ZNF182: variants seen among roughly 807,000 people sequenced by gnomAD.
ZNF182 encodes zinc finger protein 182.
In ZNF182, 10 loss-of-function variants were observed where a neutral mutation model predicts 28.1. The observed-to-expected ratio is 0.36, with a 90% CI of 0.22 to 0.60. ZNF182 has a LOEUF of 0.60. ZNF182 is among the 20% of genes least tolerant of loss of function. The pLI is 0.75. For synonymous variants in ZNF182, 156 were observed against 158.7 expected (o/e 0.98, Z 0.13); for missense variants, 352 against 453.2 (o/e 0.78, Z 2.03).
intron 3 of ZNF182, among the ~76,000 whole-genome samples, chrX:47,986,950 T>C (rs2058925304): frequency 8.9e-6 from 1 of 112,120 alleles, no homozygotes; most frequent in African/African-American, 3.2e-5. Flanking sequence ...AACTGCACTG[T>C]TGGCTTCCTT....
chrX:47,979,866 G>GGGGTGT (rs372734413), intron 5 of ZNF182, among the ~76,000 whole-genome samples: 27 of 89,759 alleles, frequency 3.0e-4, no homozygotes, highest in Non-Finnish European at 5.3e-4. Context: ...GTGTGTGTGG[G>GGGGTGT]GTGTGTGTGT....
chrX:47,990,340 C>G (rs1316630547), intron 3 of ZNF182, among the ~76,000 whole-genome samples: 1 of 110,731 alleles, frequency 9.0e-6, no homozygotes, highest in African/African-American at 3.3e-5. Context: ...ACACAGGGCT[C>G]AACATACAGC....
intron 5 of ZNF182, among the ~76,000 whole-genome samples, chrX:47,982,168 C>T (rs2058908102): frequency 8.9e-6 from 1 of 111,994 alleles, no homozygotes; most frequent in South Asian, 3.6e-4. Context: ...ATACATGGTA[C>T]GATGCGGATG....
chrX:47,988,653 T>C (rs1036965604), intron 3 of ZNF182: 3 of 350,258 alleles, frequency 8.6e-6, no homozygotes, highest in African/African-American at 7.9e-5. Context: ...TTTATAACTT[T>C]TTTTTTCTAA....
chrX:48,002,840 A>T (rs1350553358), intron 2 of ZNF182, among the ~76,000 whole-genome samples, 187 bp from the exon 3 acceptor site: 1 of 112,403 alleles, frequency 8.9e-6, no homozygotes, highest in Non-Finnish European at 1.9e-5. Flanking sequence ...TTGAACACAA[A>T]AGGTTTTATA....
At chrX:47,990,976 T>C (rs1265398417) in intron 3 of ZNF182, among the ~76,000 whole-genome samples, 8 of 111,889 alleles carry the variant, frequency 7.1e-5, no homozygotes, top group African/African-American at 2.6e-4. Flanking sequence ...ACCCCAAAAT[T>C]CTATCAATAA....
chrX:47,994,864 C>T (rs2058953538), intron 3 of ZNF182, among the ~76,000 whole-genome samples: 1 of 109,778 alleles, frequency 9.1e-6, no homozygotes, highest in African/African-American at 3.3e-5. Flanking sequence ...GTCTTGAACT[C>T]CTGACCTCAG....
intron 3 of ZNF182, among the ~76,000 whole-genome samples, chrX:47,990,433 G>A (rs2058937677): frequency 9.0e-6 from 1 of 111,036 alleles, no homozygotes; most frequent in Non-Finnish European, 1.9e-5. Context: ...ATGCTATTGT[G>A]TCTGCCATTA....
At chrX:47,984,625 G>A (rs782678194) in intron 3 of ZNF182, among the ~76,000 whole-genome samples, 11 of 111,302 alleles carry the variant, frequency 9.9e-5, no homozygotes, top group Non-Finnish European at 1.9e-4. Context: ...CACCTGCTTC[G>A]AAACTCGAAG....
intron 3 of ZNF182, among the ~76,000 whole-genome samples, chrX:48,000,767 T>C (rs2058976207): frequency 9.0e-6 from 1 of 111,645 alleles, no homozygotes; most frequent in African/African-American, 3.3e-5. Flanking sequence ...AACAATGTTA[T>C]GAGAGGAAAA....
intron 5 of ZNF182, among the ~76,000 whole-genome samples, chrX:47,981,799 C>T (rs1440972077): frequency 9.2e-6 from 1 of 109,001 alleles, no homozygotes. Flanking sequence ...ACTCGGGAGG[C>T]TGAGGCAGGA....
chrX:47,990,021 T>C (rs1556900275), intron 3 of ZNF182, among the ~76,000 whole-genome samples: 5 of 111,239 alleles, frequency 4.5e-5, no homozygotes, highest in African/African-American at 6.5e-5. Context: ...CTGCTGATTA[T>C]TGAGCCAGAG....
In ZNF182 at chrX:47,977,095, G is replaced by T; in HGVS notation, c.935C>A (p.Ser312Tyr). 8.3e-6 allele frequency: 10 copies of T among 1,211,365 alleles called. No individual in the cohort carries two copies. The highest frequency in any genetic ancestry group is 1.1e-5 in the Non-Finnish European group (10 of 895,385). Residue 312 changes from serine to tyrosine, a missense_variant, in exon 6 of 6, where the codon TCC becomes TAC. By Grantham distance (144) the Ser-to-Tyr change is moderately radical. Coordinates refer to ENST00000376943, the MANE Select transcript of ZNF182 (RefSeq NM_001007088.2). ...GGTTTTCTGATGGACAATGAGGTTGGACTTCTGAGTGAAGGCTTTTCCACA... is the reference window on the plus strand; with the variant it reads ...GGTTTTCTGATGGACAATGAGGTTGTACTTCTGAGTGAAGGCTTTTCCACA... ...NECGKAFTQK[S>Y]NLIVHQKTHT...
chrX:47,984,840 C>T (rs1181804529), intron 3 of ZNF182, among the ~76,000 whole-genome samples: 1 of 111,593 alleles, frequency 9.0e-6, no homozygotes, highest in Admixed American at 9.5e-5. Flanking sequence ...AGATACTTCA[C>T]CATGGGAGAT....
At position 47,975,995 on chromosome X, in the gene ZNF182, A is replaced by T; in HGVS notation, c.*172T>A. The stretch of plus-strand genomic sequence containing the variant: ...TCTCCTAATTTTGTCAGATACAGAG[A>T]TTACACTTCTGCTTTTTCTCCCGTA... On this transcript the variant is annotated 3_prime_UTR_variant, in exon 6 of 6. Transcript: ENST00000376943. 2.2e-6 allele frequency: 1 copy of T among 460,799 alleles called. No individual in the cohort carries two copies. Among genetic ancestry groups the T allele is most frequent in the Non-Finnish European group, 3.4e-6 (1 of 297,211 alleles). The allele number at this position is 460,799 out of a possible 1,213,427, so 38.0% of individuals were successfully genotyped here. A position where few individuals can be genotyped will look rare whatever the true frequency, so the allele number is the denominator to read the frequency against.
At chrX:48,000,058 C>T (rs2058973546) in intron 3 of ZNF182, among the ~76,000 whole-genome samples, 1 of 110,108 alleles carries the variant, frequency 9.1e-6, no homozygotes, top group African/African-American at 3.3e-5. Context: ...ATTGCTTGAA[C>T]CTGAGAGCCG....
intron 3 of ZNF182, among the ~76,000 whole-genome samples, chrX:47,997,559 G>A (rs917257044): frequency 1.4e-4 from 16 of 110,808 alleles, no homozygotes; most frequent in African/African-American, 4.3e-4. Flanking sequence ...TTGGGAGGCC[G>A]AGGCGGGCAG....
rs2058886997 is a variant in ZNF182, at chrX:47,976,988, T to C, written c.1042A>G (p.Thr348Ala). 5 of 1,203,749 alleles carry C rather than the reference T, an allele frequency of 4.2e-6. No individual in the cohort carries two copies. The highest frequency in any genetic ancestry group is 4.7e-4 in the Middle Eastern group (2 of 4,291). The stretch of plus-strand genomic sequence containing the variant: ...TCATGGGGTTTCTTTCCTGTATGGG[T>C]ACTATGATGTATAATTAGATCAAGC... ...QKLDLIIHHSTHTGKKPHECN... is the reference protein window; with the variant it reads ...QKLDLIIHHSAHTGKKPHECN... Residue 348 changes from threonine (T) to alanine (A), a missense_variant, in exon 6 of 6, where the codon ACC becomes GCC. Coordinates refer to ENST00000376943, the MANE Select transcript of ZNF182 (RefSeq NM_001007088.2).
At chrX:47,979,099 C>T (rs1556898723) in intron 5 of ZNF182, among the ~76,000 whole-genome samples, 1 of 111,556 alleles carries the variant, frequency 9.0e-6, no homozygotes, top group East Asian at 2.8e-4. Flanking sequence ...TACTTTTCCC[C>T]AAATTTTTAC....
Sources: gnomAD v4.1 joint callset for allele counts (sites outside exome capture counted in the v4.1 genomes callset) on GRCh38, gnomAD v4.1.1 for gene constraint, MANE v1.5 for transcripts, NCBI Gene and HGNC (gene_info 2026-07-23, HGNC 2026-07-21) for gene names.